Variants in PTPRT observed in about 807,000 individuals in gnomAD.
The protein encoded by PTPRT is protein tyrosine phosphatase receptor type T.
In PTPRT, 56 loss-of-function variants were observed where a neutral mutation model predicts 176.8. That is an observed-to-expected ratio of 0.32 (90% CI 0.26 to 0.40). The LOEUF (loss-of-function observed/expected upper bound fraction) is 0.40, where lower values mean the gene tolerates loss of function less well. PTPRT is among the 10% of genes least tolerant of loss of function. The pLI is 1.00. For synonymous variants in PTPRT, 783 were observed against 739.0 expected, an observed-to-expected ratio of 1.06 and a Z score of -0.96; for missense variants, 1,540 against 1,908.2, an observed-to-expected ratio of 0.81 and a Z score of 3.60.
chr20:42,666,715 TTGTATTTTCATATACATGC>T (rs2075323025), intron 7 of PTPRT, among the ~76,000 whole-genome samples: 1 of 152,234 alleles, frequency 6.6e-6, no homozygotes, highest in African/African-American at 2.4e-5. Context: ...TTGTAGGTGT[TTGTATTTTCATATACATGC>T]TGCACAATTC....
intron 1 of PTPRT, among the ~76,000 whole-genome samples, chr20:43,040,593 A>C (rs1331203734): frequency 4.6e-5 from 7 of 152,186 alleles, no homozygotes; most frequent in South Asian, 2.1e-4. Flanking sequence ...AGAATGACAG[A>C]GCTCCCTCGC....
intron 17 of PTPRT, among the ~76,000 whole-genome samples, chr20:42,148,152 C>T (rs544771124): frequency 6.6e-6 from 1 of 151,992 alleles, no homozygotes; most frequent in African/African-American, 2.4e-5. Context: ...TCTCCGCTTT[C>T]CTTTTCTCAT....
At chr20:42,036,575 A>T in the PTPRT span, among the ~76,000 whole-genome samples, 2 of 152,192 alleles carry the variant, frequency 1.3e-5, no homozygotes, top group Non-Finnish European at 2.9e-5. Flanking sequence ...AGCAAATAAG[A>T]TAATGATTGG....
In PTPRT at chr20:42,799,789, C is replaced by T. The variant is rs146340522; in HGVS notation, c.215-8323G>A. Among the ~76,000 whole-genome samples the T allele has an allele frequency of 1.7e-4, 26 of 152,284 alleles. No individual in the cohort carries two copies. The East Asian group carries it at 3.5e-3, about 20-fold the overall frequency. On this transcript the variant is annotated intron_variant, in intron 2 of 30. Coordinates refer to ENST00000373187, the MANE Select transcript of PTPRT (RefSeq NM_007050.6). ...AGCAAGAATTCTGTCTGTTTCTTCA[C>T]GTGCAAAACAGGTATATATACAGGT...
intron 1 of PTPRT, among the ~76,000 whole-genome samples, chr20:42,991,692 T>C (rs1568721374): frequency 1.3e-5 from 2 of 152,168 alleles, no homozygotes; most frequent in Non-Finnish European, 1.5e-5. Flanking sequence ...ATTGTACACT[T>C]AAAAATGGTC....
intron 1 of PTPRT, among the ~76,000 whole-genome samples, chr20:43,091,815 T>C (rs1054321906): frequency 1.3e-5 from 2 of 152,086 alleles, no homozygotes; most frequent in Non-Finnish European, 2.9e-5. Context: ...CAGCGTGCAA[T>C]TGAACAACGG....
chr20:43,161,953 C>A (rs2014711819), intron 1 of PTPRT, among the ~76,000 whole-genome samples: 1 of 152,122 alleles, frequency 6.6e-6, no homozygotes, highest in African/African-American at 2.4e-5. Context: ...TTTTATGGGT[C>A]ATAAATATTG....
chr20:42,158,618 G>A (rs1352389806), intron 17 of PTPRT, among the ~76,000 whole-genome samples: 2 of 152,106 alleles, frequency 1.3e-5, no homozygotes, highest in African/African-American at 2.4e-5. Context: ...GAGGATTACC[G>A]AGATATCACA....
rs150534560 is a variant in PTPRT at position 42,531,045 on chromosome 20, G to C, written c.1154-58483C>G. On this transcript the variant is annotated intron_variant, in intron 7 of 30. Coordinates refer to ENST00000373187, the MANE Select transcript of PTPRT (RefSeq NM_007050.6). ...AATGTAACTCCTACTGCCACCTGTTGGTGGTATGGAGATGTGACCCACCTG... is the reference window on the plus strand; with the variant it reads ...AATGTAACTCCTACTGCCACCTGTTCGTGGTATGGAGATGTGACCCACCTG... Among the ~76,000 whole-genome samples, 699 of 152,320 alleles carry C rather than the reference G, an allele frequency of 4.6e-3. 4 individuals are homozygous for C. Among genetic ancestry groups the C allele is most frequent in the African/African-American group, 0.016 (667 of 41,560 alleles).
the PTPRT span, among the ~76,000 whole-genome samples, chr20:42,034,512 T>C: frequency 6.6e-6 from 1 of 152,158 alleles, no homozygotes; most frequent in East Asian, 1.9e-4. Flanking sequence ...TTTGCTGTCC[T>C]AATACCTAAA....
intron 1 of PTPRT, among the ~76,000 whole-genome samples, chr20:42,886,401 C>A (rs1001187460): frequency 1.3e-5 from 2 of 152,126 alleles, no homozygotes; most frequent in African/African-American, 2.4e-5. Context: ...ATCTCCGTTT[C>A]CTCACCTATG....
At chr20:42,668,010 TG>T (rs1381255979) in intron 7 of PTPRT, among the ~76,000 whole-genome samples, 1 of 152,200 alleles carries the variant, frequency 6.6e-6, no homozygotes, top group Non-Finnish European at 1.5e-5. Context: ...GTGCCTGGTT[TG>T]CTTCAAGTTT....
intron 2 of PTPRT, among the ~76,000 whole-genome samples, chr20:42,823,040 T>C (rs1466896182): frequency 1.3e-5 from 2 of 152,172 alleles, no homozygotes; most frequent in African/African-American, 2.4e-5. Flanking sequence ...TTACTGGGTA[T>C]ATACCCAGAG....
At chr20:42,725,862 G>T (rs2076371106) in intron 6 of PTPRT, among the ~76,000 whole-genome samples, 1 of 150,690 alleles carries the variant, frequency 6.6e-6, no homozygotes. Context: ...AAAGATACAT[G>T]CACGTGTGTG....
chr20:42,847,563 T>C (rs1474961158), intron 2 of PTPRT, among the ~76,000 whole-genome samples: 3 of 152,162 alleles, frequency 2.0e-5, no homozygotes, highest in African/African-American at 7.2e-5. Context: ...TGTTGCTCCA[T>C]CCATGGGCAT....
rs190956380 is a variant in PTPRT at position 42,550,030 on chromosome 20, C to T, written c.1154-77468G>A. On this transcript the variant is annotated intron_variant, in intron 7 of 30. Coordinates refer to ENST00000373187, the MANE Select transcript of PTPRT (RefSeq NM_007050.6). The stretch of plus-strand genomic sequence containing the variant: ...CGAGATTTTGTAATTTTTAGGAAGA[C>T]TGTGGGCTAATTTGCAATTGAAAAA... Among the ~76,000 whole-genome samples, 17 of 152,260 alleles carry T rather than the reference C, an allele frequency of 1.1e-4. No individual in the cohort carries two copies. In the East Asian group the frequency reaches 3.1e-3, roughly 28 times the overall value.
At chr20:42,954,859 C>T (rs188620233) in intron 1 of PTPRT, among the ~76,000 whole-genome samples, 2 of 144,910 alleles carry the variant, frequency 1.4e-5, no homozygotes, top group African/African-American at 5.1e-5. Flanking sequence ...TAGGAGAAGA[C>T]GATGGAAGAG....
At chr20:42,608,770 C>T (rs375855108) in intron 7 of PTPRT, among the ~76,000 whole-genome samples, 2 of 152,126 alleles carry the variant, frequency 1.3e-5, no homozygotes, top group South Asian at 2.1e-4. Context: ...GGCTTCTCAC[C>T]GCATACAGAG....
intron 12 of PTPRT, among the ~76,000 whole-genome samples, chr20:42,304,997 C>G (rs1203965493): frequency 1.3e-5 from 2 of 152,192 alleles, no homozygotes; most frequent in Admixed American, 6.5e-5. Context: ...ACCACCTATA[C>G]TAGGCCTCTG....
Sources: gnomAD v4.1 joint callset for allele counts (sites outside exome capture counted in the v4.1 genomes callset) on GRCh38, gnomAD v4.1.1 for gene constraint, MANE v1.5 for transcripts, NCBI Gene and HGNC (gene_info 2026-07-23, HGNC 2026-07-21) for gene names.